SHISAL2A: variants seen among roughly 807,000 people sequenced by gnomAD.
The protein encoded by SHISAL2A is shisa like 2A, also known as protein shisa-like-2A.
A neutral mutation model predicts 11.5 loss-of-function variants in SHISAL2A; 18 were observed. That is an observed-to-expected ratio of 1.57 (90% confidence interval 1.08 to 2.33). The LOEUF (loss-of-function observed/expected upper bound fraction) is 2.33. Among genes scored for constraint, SHISAL2A ranks in the 30% most tolerant of loss-of-function variants. The pLI, the probability that SHISAL2A is intolerant of heterozygous loss-of-function variation, is 0.00. For synonymous variants in SHISAL2A, 94 were observed against 99.6 expected (o/e 0.94, Z 0.34); for missense variants, 261 against 250.9 (o/e 1.04, Z -0.27).
intron 2 of SHISAL2A, among the ~76,000 whole-genome samples, chr1:52,646,492 T>TATACACAC (rs371842968): frequency 6.9e-6 from 1 of 145,254 alleles, no homozygotes; most frequent in Admixed American, 6.9e-5. Flanking sequence ...TAAATATCTA[T>TATACACAC]ACACACACAC....
At chr1:52,649,063 C>T (rs1691567430) in intron 2 of SHISAL2A, among the ~76,000 whole-genome samples, 1 of 152,146 alleles carries the variant, frequency 6.6e-6, no homozygotes, top group Admixed American at 6.6e-5. Context: ...GCTCTCTCTG[C>T]TTTTTGCTCA....
chr1:52,666,857 A>G (rs1421219435), intron 4 of SHISAL2A, among the ~76,000 whole-genome samples: 1 of 152,200 alleles, frequency 6.6e-6, no homozygotes, highest in African/African-American at 2.4e-5. Context: ...CATGGGAACT[A>G]TGTGTTTAGG....
Position 52,633,545 on chromosome 1 carries a change from G to C in SHISAL2A, c.52G>C (p.Gly18Arg). ...GAGCGCAGAGCAGGAGGTGGTGCGC[G>C]GCTTCAGCTGCCCGCGGCCGGGGGG... is the stretch of plus-strand genomic sequence containing the variant. ...YVSAEQEVVR[G>R]FSCPRPGGEA... Residue 18 changes from glycine (G) to arginine (R), a missense_variant, in exon 1 of 3, where the codon GGC becomes CGC. By Grantham distance (125) the Gly-to-Arg change is moderately radical. Coordinates refer to ENST00000517870, the MANE Select transcript of SHISAL2A (RefSeq NM_001042693.3). The surrounding 1 kb of genome is among the most constrained non-coding windows in gnomAD (Gnocchi z 6.4). The C allele has an allele frequency of 6.2e-7, 1 of 1,607,646 alleles. No homozygotes were observed. Among genetic ancestry groups the C allele is most frequent in the Non-Finnish European group, 8.5e-7 (1 of 1,177,506 alleles).
At chr1:52,648,075 C>CGT (rs1553252309) in intron 2 of SHISAL2A, among the ~76,000 whole-genome samples, 2 of 146,988 alleles carry the variant, frequency 1.4e-5, no homozygotes, top group Admixed American at 6.8e-5. Flanking sequence ...ATTAATATAT[C>CGT]ATATAATTAT....
chr1:52,638,943 G>A (rs1399239135), intron 1 of SHISAL2A, among the ~76,000 whole-genome samples: 1 of 152,158 alleles, frequency 6.6e-6, no homozygotes, highest in East Asian at 1.9e-4. Flanking sequence ...TAGCCAAGGC[G>A]GGCAGATTGC....
downstream of SHISAL2A, among the ~76,000 whole-genome samples, chr1:52,661,480 G>A (rs1691906003): frequency 6.6e-6 from 1 of 152,222 alleles, no homozygotes; most frequent in South Asian, 2.1e-4. Context: ...ATCTGTGCCT[G>A]TTGGCTCAGG....
chr1:52,644,726 A>G (rs1449323162), intron 2 of SHISAL2A, among the ~76,000 whole-genome samples: 1 of 142,530 alleles, frequency 7.0e-6, no homozygotes, highest in Non-Finnish European at 1.5e-5. Context: ...CGTGTCTCAG[A>G]AAAAAGTGGG....
exon 5 of SHISAL2A, chr1:52,667,480 C>A (rs1692034439): frequency 2.2e-6 from 1 of 458,018 alleles, no homozygotes. Context: ...TCATCACCAT[C>A]ACCATCACCA....
At chr1:52,665,657 A>G (rs976061508) in intron 4 of SHISAL2A, among the ~76,000 whole-genome samples, 18 of 152,272 alleles carry the variant, frequency 1.2e-4, no homozygotes, top group Non-Finnish European at 1.6e-4. Context: ...TATGGGCCCT[A>G]TTGGGGCCCA....
intron 1 of SHISAL2A, among the ~76,000 whole-genome samples, chr1:52,640,463 G>C (rs2149875704): frequency 6.6e-6 from 1 of 152,184 alleles, no homozygotes; most frequent in South Asian, 2.1e-4. Context: ...GGAGGATAAG[G>C]CTGATTAAAC....
At chr1:52,653,246 C>G (rs1431271629) in intron 2 of SHISAL2A, among the ~76,000 whole-genome samples, 1 of 121,868 alleles carries the variant, frequency 8.2e-6, no homozygotes, top group Non-Finnish European at 1.6e-5. Context: ...CCCAGGAGTT[C>G]GAGATCATTC....
At chr1:52,640,874 C>T (rs1691349101) in intron 1 of SHISAL2A, among the ~76,000 whole-genome samples, 3 of 152,178 alleles carry the variant, frequency 2.0e-5, no homozygotes, top group South Asian at 4.1e-4. Flanking sequence ...GGAAACCAAC[C>T]ATGTGATTAG....
At chr1:52,655,180 C>G (rs1691762442) in intron 2 of SHISAL2A, among the ~76,000 whole-genome samples, 1 of 150,846 alleles carries the variant, frequency 6.6e-6, no homozygotes, top group Non-Finnish European at 1.5e-5. Context: ...AGTGATATGT[C>G]TCAATAAATG....
At chr1:52,651,136 T>C (rs1326985499) in intron 2 of SHISAL2A, among the ~76,000 whole-genome samples, 1 of 152,224 alleles carries the variant, frequency 6.6e-6, no homozygotes, top group Admixed American at 6.5e-5. Context: ...TAACTTTTTA[T>C]CGTCTACTCT....
intron 2 of SHISAL2A, among the ~76,000 whole-genome samples, chr1:52,652,965 CAAAAAAAAAAAA>C (rs36154490): frequency 9.8e-4 from 22 of 22,370 alleles, no homozygotes; most frequent in East Asian, 8.2e-3. Context: ...GACTCTGTCT[CAAAAAAAAAAAA>C]AAAAAAAAAA....
upstream of SHISAL2A, among the ~76,000 whole-genome samples, chr1:52,632,999 G>A (rs929511255): frequency 6.6e-6 from 1 of 152,096 alleles, no homozygotes; most frequent in African/African-American, 2.4e-5. Flanking sequence ...GTCTGCCCCA[G>A]CCCCGAATGC....
intron 1 of SHISAL2A, among the ~76,000 whole-genome samples, chr1:52,634,130 C>A (rs1691191960): frequency 6.6e-6 from 1 of 152,138 alleles, no homozygotes; most frequent in Non-Finnish European, 1.5e-5. Flanking sequence ...TGACCCCAGA[C>A]CTTATTCTAT....
At chr1:52,652,639 C>T (rs550036756) in intron 2 of SHISAL2A, among the ~76,000 whole-genome samples, 7 of 152,100 alleles carry the variant, frequency 4.6e-5, no homozygotes, top group African/African-American at 1.7e-4. Context: ...CCCAAGGAGT[C>T]TATAAAACGT....
At chr1:52,665,681 G>A (rs1019766692) in intron 4 of SHISAL2A, among the ~76,000 whole-genome samples, 2 of 152,160 alleles carry the variant, frequency 1.3e-5, no homozygotes, top group Non-Finnish European at 1.5e-5. Flanking sequence ...GAGGCCCTAA[G>A]TTAGGACAAA....
Sources: gnomAD v4.1 joint callset for allele counts (sites outside exome capture counted in the v4.1 genomes callset) on GRCh38, gnomAD v4.1.1 for gene constraint, Gnocchi (gnomAD v3.1) non-coding constraint, MANE v1.5 for transcripts, NCBI Gene and HGNC (gene_info 2026-07-23, HGNC 2026-07-21) for gene names.